The following ROBO1 variants were observed in gnomAD, a reference collection of about 807,000 sequenced individuals.
The protein encoded by ROBO1 is roundabout guidance receptor 1.
ROBO1 carries 149 observed loss-of-function variants against 195.9 expected under a neutral mutation model. That is an observed-to-expected ratio of 0.76 (90% CI 0.67 to 0.87). The LOEUF (loss-of-function observed/expected upper bound fraction) is 0.87, where lower values mean the gene tolerates loss of function less well. Ranked by LOEUF, ROBO1 falls within the 40% of genes least tolerant of loss-of-function variation. The pLI is 0.00. For missense variants in ROBO1, 1,933 were observed against 2,068.3 expected, an observed-to-expected ratio of 0.93 and a Z score of 1.27; for synonymous variants, 816 against 733.2, an observed-to-expected ratio of 1.11 and a Z score of -1.82.
intron 2 of ROBO1, among the ~76,000 whole-genome samples, chr3:79,402,739 T>A (rs538140377): frequency 6.6e-6 from 1 of 151,998 alleles, no homozygotes; most frequent in African/African-American, 2.4e-5. Flanking sequence ...CCTACTCTTA[T>A]AGTCTTCATA....
intron 3 of ROBO1, among the ~76,000 whole-genome samples, chr3:79,090,852 T>C (rs2079466890): frequency 6.6e-6 from 1 of 152,208 alleles, no homozygotes; most frequent in Admixed American, 6.5e-5. Context: ...TCTCATTGAT[T>C]CATAATATTA....
intron 2 of ROBO1, among the ~76,000 whole-genome samples, chr3:79,309,100 G>C (rs1002913915): frequency 6.6e-6 from 1 of 152,138 alleles, no homozygotes; most frequent in Non-Finnish European, 1.5e-5. Context: ...AGTAAGCAGA[G>C]TAGTTTTAAG....
intron 2 of ROBO1, among the ~76,000 whole-genome samples, chr3:79,335,846 G>A (rs2034643682): frequency 6.6e-6 from 1 of 152,190 alleles, no homozygotes; most frequent in Non-Finnish European, 1.5e-5. Context: ...GTACTTCCTA[G>A]AGACTTGTTG....
chr3:79,466,506 G>C (rs1456634353), intron 2 of ROBO1, among the ~76,000 whole-genome samples: 1 of 152,086 alleles, frequency 6.6e-6, no homozygotes, highest in Non-Finnish European at 1.5e-5. Context: ...GTACAATGAA[G>C]CTCAATAATT....
intron 8 of ROBO1, among the ~76,000 whole-genome samples, chr3:78,693,617 A>G (rs2081223644): frequency 6.6e-6 from 1 of 152,184 alleles, no homozygotes; most frequent in Non-Finnish European, 1.5e-5. Context: ...AATGAATGAG[A>G]GCTATAAAAT....
chr3:79,024,922 AG>A (rs1164757382), intron 3 of ROBO1, among the ~76,000 whole-genome samples: 1 of 152,194 alleles, frequency 6.6e-6, no homozygotes, highest in East Asian at 1.9e-4. Flanking sequence ...GAGCAGTCAG[AG>A]GGATCTTGTT....
chr3:79,390,708 A>C (rs2036914853), intron 2 of ROBO1, among the ~76,000 whole-genome samples: 3 of 152,106 alleles, frequency 2.0e-5, no homozygotes, highest in Non-Finnish European at 4.4e-5. Context: ...GAAATGGTGA[A>C]GGGAGGAGAC....
intron 10 of ROBO1, among the ~76,000 whole-genome samples, chr3:78,681,566 G>A (rs529759254): frequency 6.6e-6 from 1 of 152,306 alleles, no homozygotes; most frequent in South Asian, 2.1e-4. Context: ...GCTTCTTGAA[G>A]GAAATGAAGC....
At chr3:79,661,103 TACGCCCCTTCTTTGACAA>T (rs1255712401) in intron 1 of ROBO1, among the ~76,000 whole-genome samples, 1 of 152,060 alleles carries the variant, frequency 6.6e-6, no homozygotes, top group Non-Finnish European at 1.5e-5. Context: ...TCACTACCCA[TACGCCCCTTCTTTGACAA>T]ACTTTTATCC....
At chr3:79,168,766 A>AT (rs2081115641) in intron 2 of ROBO1, among the ~76,000 whole-genome samples, 1 of 152,178 alleles carries the variant, frequency 6.6e-6, no homozygotes, top group African/African-American at 2.4e-5. Context: ...ACAGGAGTAG[A>AT]TAATATATCA....
intron 4 of ROBO1, among the ~76,000 whole-genome samples, chr3:78,758,414 C>T (rs1029907080): frequency 6.6e-6 from 1 of 150,626 alleles, no homozygotes; most frequent in Admixed American, 6.7e-5. Context: ...AGTCCCGCTA[C>T]TTGGAAGGCT....
chr3:79,409,183 C>A (rs1304951898), intron 2 of ROBO1, among the ~76,000 whole-genome samples: 2 of 151,940 alleles, frequency 1.3e-5, no homozygotes, highest in East Asian at 3.9e-4. Flanking sequence ...ACCATAAATG[C>A]AATCTATTTT....
chr3:79,762,639 G>A (rs909964623), intron 1 of ROBO1, among the ~76,000 whole-genome samples: 15 of 38,700 alleles, frequency 3.9e-4, no homozygotes, highest in Non-Finnish European at 7.7e-4. Flanking sequence ...CACAAAAGCC[G>A]AGAGGAATGA....
intron 4 of ROBO1, among the ~76,000 whole-genome samples, chr3:78,773,552 T>A (rs2083430412): frequency 6.6e-6 from 1 of 152,160 alleles, no homozygotes; most frequent in South Asian, 2.1e-4. Flanking sequence ...AAACATCTCC[T>A]TAAAGAAACA....
At position 79,128,304 on chromosome 3, in the gene ROBO1, G is replaced by A. The variant is rs1034696097; in HGVS notation, c.89-2765C>T. Among the ~76,000 whole-genome samples the A allele has an allele frequency of 1.5e-4, 23 of 152,220 alleles. 1 individual carries two copies. The highest frequency in any genetic ancestry group is 8.3e-4 in the South Asian group (4 of 4,820). On this transcript the variant is annotated intron_variant, in intron 2 of 30. Transcript: ENST00000464233. ...CCCATCTAGAAACACACTGTCACTA[G>A]AGGTGCTGGGTTTTATGTGTCTGTC...
At chr3:79,372,580 C>T (rs1349636675) in intron 2 of ROBO1, among the ~76,000 whole-genome samples, 1 of 152,030 alleles carries the variant, frequency 6.6e-6, no homozygotes, top group African/African-American at 2.4e-5. Flanking sequence ...CTCTCTTTCT[C>T]TGCCTTCCCC....
intron 2 of ROBO1, among the ~76,000 whole-genome samples, chr3:79,164,150 G>A (rs1242649055): frequency 2.0e-5 from 3 of 152,104 alleles, no homozygotes; most frequent in Non-Finnish European, 4.4e-5. Flanking sequence ...GAACCAGTGA[G>A]TCCTCAACAT....
intron 1 of ROBO1, among the ~76,000 whole-genome samples, chr3:79,657,506 TAATC>T (rs1301663552): frequency 3.9e-5 from 6 of 152,050 alleles, no homozygotes; most frequent in Non-Finnish European, 8.8e-5. Flanking sequence ...TAAAATATCT[TAATC>T]AACAAATAAA....
chr3:78,877,167 G>C (rs2035902912), intron 4 of ROBO1, among the ~76,000 whole-genome samples: 1 of 152,116 alleles, frequency 6.6e-6, no homozygotes, highest in African/African-American at 2.4e-5. Flanking sequence ...CTGACATTTT[G>C]TAATACTAGA....
Sources: gnomAD v4.1 joint callset for allele counts (sites outside exome capture counted in the v4.1 genomes callset) on GRCh38, gnomAD v4.1.1 for gene constraint, MANE v1.5 for transcripts, NCBI Gene and HGNC (gene_info 2026-07-23, HGNC 2026-07-21) for gene names.